CCL28: variants seen among roughly 807,000 people sequenced by gnomAD.
CCL28 encodes the protein C-C motif chemokine ligand 28, also known as C-C motif chemokine 28.
In CCL28, 4 loss-of-function variants were observed where a neutral mutation model predicts 7.1. The observed-to-expected ratio is 0.56, with a 90% confidence interval of 0.28 to 1.29. The LOEUF (loss-of-function observed/expected upper bound fraction) is 1.29, where lower values mean the gene tolerates loss of function less well. CCL28 is among the 50% of genes most tolerant of loss of function. The pLI is 0.11. For synonymous variants in CCL28, 55 were observed against 57.8 expected (o/e 0.95, Z 0.22); for missense variants, 151 against 163.4 (o/e 0.92, Z 0.41).
At chr5:43,364,850 T>A in the CCL28 span, among the ~76,000 whole-genome samples, 1 of 152,280 alleles carries the variant, frequency 6.6e-6, no homozygotes, top group East Asian at 1.9e-4. Context: ...TGGTTTAAAG[T>A]CTGTTTTAAC....
intron 1 of CCL28, 141 bp from the exon 2 acceptor site, chr5:43,388,617 G>T: frequency 1.3e-6 from 1 of 745,826 alleles, no homozygotes; most frequent in Non-Finnish European, 2.1e-6. Context: ...CAGACTTGGG[G>T]CAGGACATGT....
At chr5:43,405,838 A>G (rs1741252662) in intron 1 of CCL28, among the ~76,000 whole-genome samples, 1 of 152,228 alleles carries the variant, frequency 6.6e-6, no homozygotes, top group Admixed American at 6.5e-5. Context: ...CCACAGAAAT[A>G]CAAACTACCA....
intron 1 of CCL28, among the ~76,000 whole-genome samples, chr5:43,394,582 C>CT (rs1448940847): frequency 1.3e-5 from 2 of 152,032 alleles, no homozygotes; most frequent in African/African-American, 4.8e-5. Flanking sequence ...TTTAAAAATA[C>CT]TTTTTTCTAA....
In CCL28 at chr5:43,382,019, G is replaced by A; in HGVS notation, c.225C>T (p.Ser75=). 2 of 1,613,450 alleles carry A rather than the reference G, an allele frequency of 1.2e-6. No homozygotes were observed. Residue 75 remains serine, a synonymous_variant, in exon 3 of 3, where the codon AGC becomes AGT. Transcript: ENST00000361115. ...ACTGCTTAACAGTATGGTTGTGCGGGCTGACACAGATTCTTCTGCGCTTGA... is the reference window on the plus strand; with the variant it reads ...ACTGCTTAACAGTATGGTTGTGCGGACTGACACAGATTCTTCTGCGCTTGA... The part of the protein sequence containing the change: ...LHVKRRRICV[S]PHNHTVKQWM...
At chr5:43,378,741 T>C (rs1222631367), downstream of CCL28, among the ~76,000 whole-genome samples, 2 of 152,098 alleles carry the variant, frequency 1.3e-5, no homozygotes, top group Non-Finnish European at 2.9e-5. Flanking sequence ...GGTGGGTGGA[T>C]CACAAGGTCA....
chr5:43,364,520 T>C, the CCL28 span, among the ~76,000 whole-genome samples: 2 of 152,140 alleles, frequency 1.3e-5, no homozygotes, highest in African/African-American at 4.8e-5. Flanking sequence ...AAAATATCAA[T>C]TTGTACAAAG....
chr5:43,388,812 T>C (rs1740444308), intron 1 of CCL28, among the ~76,000 whole-genome samples: 1 of 152,194 alleles, frequency 6.6e-6, no homozygotes, highest in Admixed American at 6.5e-5. Context: ...TGGAAAAGCA[T>C]CATTCGTTCA....
chr5:43,398,752 G>A (rs1326008041), intron 1 of CCL28, among the ~76,000 whole-genome samples: 1 of 152,158 alleles, frequency 6.6e-6, no homozygotes, highest in Non-Finnish European at 1.5e-5. Context: ...TCAGGAGGCT[G>A]AGACAGAGAA....
At chr5:43,360,414 C>T in the CCL28 span, among the ~76,000 whole-genome samples, 1 of 152,046 alleles carries the variant, frequency 6.6e-6, no homozygotes. Context: ...TGCTCCTTTC[C>T]TTCTACCCAC....
chr5:43,403,616 A>C (rs958723745), intron 1 of CCL28, among the ~76,000 whole-genome samples: 2 of 152,234 alleles, frequency 1.3e-5, no homozygotes, highest in East Asian at 3.9e-4. Flanking sequence ...TCCTCCTCCA[A>C]AGGAACGCAG....
the CCL28 span, among the ~76,000 whole-genome samples, chr5:43,369,405 TTA>T: frequency 6.6e-6 from 1 of 151,960 alleles, no homozygotes; most frequent in African/African-American, 2.4e-5. Flanking sequence ...GTATGTTATT[TTA>T]TTTTTTAAAT....
chr5:43,364,671 T>C, the CCL28 span, among the ~76,000 whole-genome samples: 4 of 152,172 alleles, frequency 2.6e-5, no homozygotes, highest in Non-Finnish European at 4.4e-5. Context: ...AAGTCTCCCA[T>C]TATTATTGTG....
the CCL28 span, among the ~76,000 whole-genome samples, chr5:43,367,713 C>G: frequency 6.6e-6 from 1 of 152,118 alleles, no homozygotes; most frequent in African/African-American, 2.4e-5. Flanking sequence ...TCTAACCAAT[C>G]CCAGTGAGGT....
intron 1 of CCL28, among the ~76,000 whole-genome samples, chr5:43,392,993 A>C (rs1322677673): frequency 1.3e-5 from 2 of 152,140 alleles, no homozygotes; most frequent in Admixed American, 1.3e-4. Context: ...AAAATAACAT[A>C]ATAATAATTT....
At chr5:43,384,600 G>A (rs1740260380) in intron 2 of CCL28, among the ~76,000 whole-genome samples, 1 of 151,766 alleles carries the variant, frequency 6.6e-6, no homozygotes, top group Admixed American at 6.6e-5. Context: ...TGAGTTTGTA[G>A]GTGGAGAGTT....
intron 1 of CCL28, among the ~76,000 whole-genome samples, chr5:43,404,913 G>T (rs137865713): frequency 0.014 from 2,156 of 152,180 alleles, 31 homozygotes; most frequent in Non-Finnish European, 0.024. Context: ...AGACAAAGAA[G>T]GCCATTACAT....
the CCL28 span, among the ~76,000 whole-genome samples, chr5:43,363,891 C>T: frequency 3.3e-5 from 5 of 152,134 alleles, no homozygotes; most frequent in East Asian, 3.8e-4. Flanking sequence ...GTTTACACAA[C>T]GAAATAGAAG....
At chr5:43,388,320 G>A in intron 2 of CCL28, 30 bp downstream of exon 2, 1 of 1,613,382 alleles carries the variant, frequency 6.2e-7, no homozygotes, top group South Asian at 1.1e-5. Context: ...CACTGTGCAG[G>A]TTTAGACCTC....
chr5:43,374,450 G>A (rs1739842980), downstream of CCL28, among the ~76,000 whole-genome samples: 1 of 152,202 alleles, frequency 6.6e-6, no homozygotes, highest in Non-Finnish European at 1.5e-5. Context: ...CTATGTAATT[G>A]TGAAACATAT....
Sources: allele counts gnomAD v4.1 joint callset (sites outside exome capture counted in the v4.1 genomes callset), GRCh38; gene constraint gnomAD v4.1.1; transcripts MANE v1.5; gene names NCBI Gene and HGNC (gene_info 2026-07-23, HGNC 2026-07-21).